Variants in ST6GALNAC5 observed in about 807,000 individuals in gnomAD.
The protein encoded by ST6GALNAC5 is alpha-N-acetylgalactosaminide alpha-2,6-sialyltransferase 5.
In ST6GALNAC5, 27 loss-of-function variants were observed where a neutral mutation model predicts 33.6. That is an observed-to-expected ratio of 0.80 (90% CI 0.59 to 1.11). The LOEUF (loss-of-function observed/expected upper bound fraction) is 1.11, where lower values mean the gene tolerates loss of function less well. Ranked by LOEUF, ST6GALNAC5 falls within the 50% of genes least tolerant of loss-of-function variation. The probability of loss-of-function intolerance (pLI) is 0.00; values close to 1 mark genes in which losing one functional copy is unlikely to be tolerated. For missense variants in ST6GALNAC5, 428 were observed against 454.0 expected (o/e 0.94, Z 0.52); for synonymous variants, 194 against 171.2 (o/e 1.13, Z -1.04).
chr1:76,978,301 C>T (rs1277058655), intron 2 of ST6GALNAC5, among the ~76,000 whole-genome samples: 1 of 152,070 alleles, frequency 6.6e-6, no homozygotes, highest in Non-Finnish European at 1.5e-5. Context: ...TTTTCCTGTG[C>T]TGTACAGAAG....
At chr1:77,032,710 T>C (rs980238718) in intron 2 of ST6GALNAC5, among the ~76,000 whole-genome samples, 17 of 152,194 alleles carry the variant, frequency 1.1e-4, no homozygotes, top group African/African-American at 3.4e-4. Flanking sequence ...CCCAAGCCAG[T>C]GCTCTCTCCA....
chr1:76,958,938 C>T (rs936652151), intron 2 of ST6GALNAC5, among the ~76,000 whole-genome samples: 1 of 152,140 alleles, frequency 6.6e-6, no homozygotes, highest in Non-Finnish European at 1.5e-5. Context: ...TCAGGTGTGA[C>T]ATTTTCTTAC....
At chr1:76,914,455 A>C (rs544249489) in intron 2 of ST6GALNAC5, among the ~76,000 whole-genome samples, 1 of 152,370 alleles carries the variant, frequency 6.6e-6, no homozygotes, top group East Asian at 1.9e-4. Flanking sequence ...ACAAGGCTAC[A>C]GTAACCAAAA....
intron 2 of ST6GALNAC5, among the ~76,000 whole-genome samples, chr1:77,024,082 G>T (rs1242210887): frequency 6.6e-6 from 1 of 152,200 alleles, no homozygotes; most frequent in Non-Finnish European, 1.5e-5. Context: ...TGCTTGGTCA[G>T]TGTGGGCCTG....
chr1:77,012,843 T>G (rs1232851741), intron 2 of ST6GALNAC5, among the ~76,000 whole-genome samples: 1 of 152,200 alleles, frequency 6.6e-6, no homozygotes, highest in Non-Finnish European at 1.5e-5. Context: ...CCCAAGAATC[T>G]TACAACTGAG....
intron 3 of ST6GALNAC5, among the ~76,000 whole-genome samples, chr1:77,049,811 T>G (rs1446963466): frequency 6.6e-6 from 1 of 152,194 alleles, no homozygotes; most frequent in African/African-American, 2.4e-5. Context: ...GACTAATAGA[T>G]AGATAAATAC....
At position 76,868,854 on chromosome 1, in the gene ST6GALNAC5, C is replaced by A; in HGVS notation, c.261+112C>A. On this transcript the variant is annotated intron_variant, in intron 2 of 4. Coordinates refer to ENST00000477717, the MANE Select transcript of ST6GALNAC5 (RefSeq NM_030965.3). The surrounding 1 kb of genome is among the most constrained non-coding windows in gnomAD (Gnocchi z 4.3). ...GCTGTGAGTAGGTGCCGTTCGAAGG[C>A]TGGAGGGGAGTGGACCCGCTGGGGT... is the stretch of plus-strand genomic sequence containing the variant. The A allele has an allele frequency of 7.1e-7, 1 of 1,414,182 alleles. No individual in the cohort carries two copies. Among genetic ancestry groups the A allele is most frequent in the Non-Finnish European group, 9.2e-7 (1 of 1,088,236 alleles). 87.6% of individuals were successfully genotyped at this position (1,414,182 alleles called of 1,614,324 possible).
chr1:76,983,503 G>C (rs1045367005), intron 2 of ST6GALNAC5, among the ~76,000 whole-genome samples: 1 of 151,582 alleles, frequency 6.6e-6, no homozygotes, highest in Non-Finnish European at 1.5e-5. Flanking sequence ...AGAGCACCCA[G>C]GTTCATAAAA....
At chr1:76,982,111 A>C (rs1340899567) in intron 2 of ST6GALNAC5, among the ~76,000 whole-genome samples, 1 of 152,208 alleles carries the variant, frequency 6.6e-6, no homozygotes, top group Non-Finnish European at 1.5e-5. Context: ...TTCTCCTCCA[A>C]AGGATCACAG....
At chr1:76,974,381 A>T (rs858591) in intron 2 of ST6GALNAC5, among the ~76,000 whole-genome samples, 1 of 151,464 alleles carries the variant, frequency 6.6e-6, no homozygotes, top group African/African-American at 2.4e-5. Context: ...GATTTTTTAA[A>T]TTTTTTTGTA....
chr1:77,022,498 T>A (rs1651091542), intron 2 of ST6GALNAC5, among the ~76,000 whole-genome samples: 1 of 152,172 alleles, frequency 6.6e-6, no homozygotes, highest in African/African-American at 2.4e-5. Context: ...ATAGAGGGAA[T>A]CATGGGACTC....
chr1:76,893,320 A>G (rs984041564), intron 2 of ST6GALNAC5, among the ~76,000 whole-genome samples: 1 of 152,188 alleles, frequency 6.6e-6, no homozygotes, highest in African/African-American at 2.4e-5. Flanking sequence ...GAGATATAGA[A>G]GTGGTGTAAA....
chr1:76,878,279 G>C (rs1241425056), intron 2 of ST6GALNAC5, among the ~76,000 whole-genome samples: 1 of 152,160 alleles, frequency 6.6e-6, no homozygotes, highest in South Asian at 2.1e-4. Context: ...AGCCAATGTA[G>C]GGGTTCTGCC....
At chr1:76,935,532 TATGA>T (rs1647192923) in intron 2 of ST6GALNAC5, among the ~76,000 whole-genome samples, 1 of 152,052 alleles carries the variant, frequency 6.6e-6, no homozygotes, top group African/African-American at 2.4e-5. Context: ...TTAATTCTAC[TATGA>T]AGTGCTAAAT....
intron 2 of ST6GALNAC5, among the ~76,000 whole-genome samples, chr1:77,001,803 C>T (rs952507863): frequency 1.9e-4 from 28 of 149,824 alleles, no homozygotes; most frequent in African/African-American, 4.9e-4. Context: ...TATTTATTTG[C>T]GTATATTGAA....
intron 2 of ST6GALNAC5, among the ~76,000 whole-genome samples, chr1:76,980,908 A>T (rs1454039582): frequency 6.6e-6 from 1 of 152,240 alleles, no homozygotes; most frequent in Non-Finnish European, 1.5e-5. Context: ...CCTTCAAAGG[A>T]TACCATCAAG....
intron 3 of ST6GALNAC5, among the ~76,000 whole-genome samples, chr1:77,049,856 A>G (rs1479658240): frequency 6.6e-6 from 1 of 152,232 alleles, no homozygotes; most frequent in Non-Finnish European, 1.5e-5. Context: ...TAAGCTACTC[A>G]TTATCTAGCC....
chr1:76,972,915 G>T (rs1451351489), intron 2 of ST6GALNAC5, among the ~76,000 whole-genome samples: 1 of 152,036 alleles, frequency 6.6e-6, no homozygotes, highest in Admixed American at 6.6e-5. Context: ...GAGTGACAGT[G>T]ATCATATTTT....
At chr1:76,886,203 G>A (rs188560801) in intron 2 of ST6GALNAC5, among the ~76,000 whole-genome samples, 1 of 152,190 alleles carries the variant, frequency 6.6e-6, no homozygotes, top group East Asian at 1.9e-4. Context: ...TTCTTAATTA[G>A]CAACCTCTTC....
Sources: allele counts gnomAD v4.1 joint callset (sites outside exome capture counted in the v4.1 genomes callset), GRCh38; gene constraint gnomAD v4.1.1; non-coding constraint Gnocchi (gnomAD v3.1); transcripts MANE v1.5; gene names NCBI Gene and HGNC (gene_info 2026-07-23, HGNC 2026-07-21).